CRACDL: variants seen among roughly 807,000 people sequenced by gnomAD.
CRACDL encodes the protein CRACD like, also known as CRACD-like protein.
CRACDL carries 26 observed loss-of-function variants against 70.6 expected under a neutral mutation model. The ratio of observed to expected loss-of-function variants is 0.37; its 90% confidence interval spans 0.27 to 0.51. CRACDL has a LOEUF of 0.51. CRACDL is among the 20% of genes least tolerant of loss of function. The pLI is 0.94. For synonymous variants in CRACDL, 618 were observed against 615.2 expected, an observed-to-expected ratio of 1.00 and a Z score of -0.07; for missense variants, 1,283 against 1,376.9, an observed-to-expected ratio of 0.93 and a Z score of 1.08.
At chr2:98,904,405 C>G (rs1708355114) in intron 1 of CRACDL, among the ~76,000 whole-genome samples, 1 of 152,218 alleles carries the variant, frequency 6.6e-6, no homozygotes, top group Non-Finnish European at 1.5e-5. Flanking sequence ...ACCGGCCTTG[C>G]CGTTTGAAGA....
intron 1 of CRACDL, among the ~76,000 whole-genome samples, chr2:98,848,212 A>G (rs961023862): frequency 6.6e-6 from 1 of 152,208 alleles, no homozygotes; most frequent in African/African-American, 2.4e-5. Flanking sequence ...TCAAAGCAAC[A>G]GACAATGCTA....
chr2:98,864,543 G>T (rs1009565797), intron 1 of CRACDL, among the ~76,000 whole-genome samples: 2 of 150,232 alleles, frequency 1.3e-5, no homozygotes, highest in African/African-American at 2.4e-5. Context: ...CCCATTGATT[G>T]TACCCTTTTT....
At chr2:98,839,288 T>G (rs1396445105) in intron 2 of CRACDL, among the ~76,000 whole-genome samples, 1 of 152,224 alleles carries the variant, frequency 6.6e-6, no homozygotes, top group Non-Finnish European at 1.5e-5. Context: ...AACAAATCCC[T>G]CTCCAAGGAT....
chr2:98,823,004 C>G lies in CRACDL; in HGVS notation c.1269G>C (p.Glu423Asp), dbSNP rs1705147348. 1 of 1,513,990 alleles carries G rather than the reference C, an allele frequency of 6.6e-7. No homozygotes were observed. The allele number at this position is 1,513,990 out of a possible 1,614,324, so 93.8% of individuals were successfully genotyped here. ...CTGGCCCGTCGCGAGCAGAGGGCGCCTCTGAGGTGGCGGCGGGGTCAGTCT... is the reference window on the plus strand; with the variant it reads ...CTGGCCCGTCGCGAGCAGAGGGCGCGTCTGAGGTGGCGGCGGGGTCAGTCT... ...PPETDPAATS[E>D]APSARDGPER... is the part of the protein sequence containing the mutation. The change falls in exon 7 of 10, where the codon GAG becomes GAC. Residue 423 changes from glutamate (E) to aspartate (D), a missense_variant. Transcript: ENST00000397899. This position sits in a 1 kb window ranked among gnomAD's most constrained non-coding sequence, Gnocchi z 4.0.
intron 1 of CRACDL, among the ~76,000 whole-genome samples, chr2:98,865,788 G>C (rs1332400179): frequency 1.3e-5 from 2 of 151,124 alleles, no homozygotes; most frequent in East Asian, 1.9e-4. Context: ...GGTGTCAAGA[G>C]GACTTTCTGC....
At chr2:98,897,552 A>T (rs773682784) in intron 1 of CRACDL, 1 of 313,658 alleles carries the variant, frequency 3.2e-6, no homozygotes, top group Non-Finnish European at 6.2e-6. Context: ...TAGATTCCTA[A>T]AGTAGGGAGG....
rs1168811812 is a variant in CRACDL at position 98,798,297 on chromosome 2, A to T, written c.2417-760T>A. 3.3e-5 allele frequency among the ~76,000 whole-genome samples: 5 copies of T among 152,056 alleles called. No homozygotes were observed. In the South Asian group the frequency reaches 6.2e-4, roughly 19 times the overall value. On this transcript the variant is annotated intron_variant, in intron 7 of 9. Transcript: ENST00000397899. ...GAGGTGGAGGTTGCAGTGAGCTGAGATCACGCCATTGCACTCCAGCCTGGA... is the reference window on the plus strand; with the variant it reads ...GAGGTGGAGGTTGCAGTGAGCTGAGTTCACGCCATTGCACTCCAGCCTGGA...
At chr2:98,862,044 T>C (rs998291101) in intron 1 of CRACDL, among the ~76,000 whole-genome samples, 2 of 152,182 alleles carry the variant, frequency 1.3e-5, no homozygotes, top group Non-Finnish European at 2.9e-5. Flanking sequence ...TCCCTGCAGA[T>C]TTAATGGGCT....
chr2:98,822,439 C>A lies in CRACDL; in HGVS notation c.1834G>T (p.Ala612Ser), dbSNP rs866880703. ...RSGPVWRSEA[A>S]LDDLQGLPEP... ...GGGAGACCCTGGAGGTCGTCAAGAG[C>A]CGCCTCGCTCCTCCAGACCGGGCCG... Residue 612 changes from alanine to serine, a missense_variant, in exon 7 of 10, where the codon GCT (alanine) becomes TCT (serine). Transcript: ENST00000397899. The surrounding 1 kb of genome is among the most constrained non-coding windows in gnomAD (Gnocchi z 4.9). 1.3e-6 allele frequency: 2 copies of A among 1,483,046 alleles called. No homozygotes were observed. Among genetic ancestry groups the A allele is most frequent in the East Asian group, 5.8e-5 (2 of 34,522 alleles). The allele number at this position is 1,483,046 out of a possible 1,614,324, so 91.9% of individuals were successfully genotyped here. A position where few individuals can be genotyped will look rare whatever the true frequency, so the allele number is the denominator to read the frequency against.
Position 98,822,738 on chromosome 2 carries a change from G to C in CRACDL, c.1535C>G (p.Ser512Cys). 7.9e-7 allele frequency: 1 copy of C among 1,261,522 alleles called. No individual in the cohort carries two copies. Among genetic ancestry groups the C allele is most frequent in the Non-Finnish European group, 9.9e-7 (1 of 1,007,234 alleles). 78.1% of individuals were successfully genotyped at this position (1,261,522 alleles called of 1,614,324 possible). A position where few individuals can be genotyped will look rare whatever the true frequency, so the allele number is the denominator to read the frequency against. ...AGACTCCGCAGCGGCAAGCGGCGGG[G>C]ACGCGGCGGGGCCCTCGCTGGCGGC... is the stretch of plus-strand genomic sequence containing the variant. Reference protein sequence around the residue: ...PAAASEGPAASPPLAAAESPP... With the variant: ...PAAASEGPAACPPLAAAESPP... Residue 512 changes from serine (S) to cysteine (C), a missense_variant, in exon 7 of 10, where the codon TCC (serine) becomes TGC (cysteine). By Grantham distance (112) the Ser-to-Cys change is moderately radical (BLOSUM62 -1). This residue lies in a region of CRACDL where 921 missense variants were observed against 881.9 expected (regional missense o/e 1.04). Transcript: ENST00000397899. This position sits in a 1 kb window ranked among gnomAD's most constrained non-coding sequence, Gnocchi z 4.9.
intron 7 of CRACDL, among the ~76,000 whole-genome samples, chr2:98,813,355 C>T (rs1704650271): frequency 6.6e-6 from 1 of 152,146 alleles, no homozygotes; most frequent in Admixed American, 6.5e-5. Flanking sequence ...TTGCTTGAAC[C>T]TGGCAGATGG....
At chr2:98,865,044 AG>A (rs1177766009) in intron 1 of CRACDL, among the ~76,000 whole-genome samples, 1 of 152,210 alleles carries the variant, frequency 6.6e-6, no homozygotes, top group Non-Finnish European at 1.5e-5. Context: ...AGGCAGGAAT[AG>A]GGGAAAACAC....
chr2:98,808,312 C>G (rs1704406055), intron 7 of CRACDL, among the ~76,000 whole-genome samples: 2 of 152,182 alleles, frequency 1.3e-5, no homozygotes. Context: ...ACCTGGGCAG[C>G]CTTTAACACT....
intron 1 of CRACDL, among the ~76,000 whole-genome samples, chr2:98,901,122 G>A (rs1243984492): frequency 4.6e-5 from 7 of 152,316 alleles, no homozygotes; most frequent in South Asian, 2.1e-4. Context: ...TTAGAGTACC[G>A]TGACCTTGGA....
At chr2:98,824,750 C>G (rs1180373429) in intron 6 of CRACDL, among the ~76,000 whole-genome samples, 6 of 152,128 alleles carry the variant, frequency 3.9e-5, no homozygotes, top group Admixed American at 2.0e-4. Flanking sequence ...TTCATGGCAT[C>G]TGCTTGCTAA....
chr2:98,893,580 C>T (rs1325152348), intron 1 of CRACDL, among the ~76,000 whole-genome samples: 4 of 152,078 alleles, frequency 2.6e-5, no homozygotes, highest in Non-Finnish European at 4.4e-5. Context: ...CACTGCACCC[C>T]GCCTGAAGGA....
Position 98,852,997 on chromosome 2 carries a change from AGAGGG to A in CRACDL, c.-10-6192_-10-6188del, listed in dbSNP as rs1251441370. On this transcript the variant is annotated intron_variant, in intron 1 of 9. Coordinates refer to ENST00000397899, the MANE Select transcript of CRACDL (RefSeq NM_207362.3). ...CGGGAGAGAGAGAGAGAGAGGGAGGAGAGGGGAGGGGAGGGGAGGGGAAGGGAAGG... is the reference window on the plus strand; with the variant it reads ...CGGGAGAGAGAGAGAGAGAGGGAGGAGAGGGGAGGGGAGGGGAAGGGAAGG... Among the ~76,000 whole-genome samples, 24 of 78,460 alleles carry A rather than the reference AGAGGG, an allele frequency of 3.1e-4. 1 individual carries two copies. Among genetic ancestry groups the A allele is most frequent in the African/African-American group, 5.2e-4 (10 of 19,294 alleles). 51.5% of individuals were successfully genotyped at this position (78,460 alleles called of 152,430 possible).
At chr2:98,815,306 C>G (rs2104446596) in intron 7 of CRACDL, among the ~76,000 whole-genome samples, 1 of 152,300 alleles carries the variant, frequency 6.6e-6, no homozygotes, top group East Asian at 1.9e-4. Context: ...CTAAAATTCT[C>G]AAAAGGTTTT....
intron 1 of CRACDL, among the ~76,000 whole-genome samples, chr2:98,900,844 C>T (rs1708260196): frequency 6.6e-6 from 1 of 152,122 alleles, no homozygotes; most frequent in South Asian, 2.1e-4. Context: ...CCTCGTTGGG[C>T]AGAGCAGATC....
Sources: gnomAD v4.1 joint callset for allele counts (sites outside exome capture counted in the v4.1 genomes callset) on GRCh38, gnomAD v4.1.1 for gene constraint, gnomAD v4.1.1 regional missense constraint, Gnocchi (gnomAD v3.1) non-coding constraint, MANE v1.5 for transcripts, NCBI Gene and HGNC (gene_info 2026-07-23, HGNC 2026-07-21) for gene names.